The following UNC5D variants were observed in gnomAD, a reference collection of about 807,000 sequenced individuals.
UNC5D encodes the protein netrin receptor UNC5D.
In UNC5D, 39 loss-of-function variants were observed where a neutral mutation model predicts 105.4. The observed-to-expected ratio is 0.37, with a 90% CI of 0.29 to 0.48. UNC5D has a LOEUF of 0.48. Ranked by LOEUF, UNC5D falls within the 20% of genes least tolerant of loss-of-function variation. UNC5D has a pLI of 0.98. For synonymous variants in UNC5D, 452 were observed against 450.4 expected (o/e 1.00, Z -0.04); for missense variants, 991 against 1,202.4 (o/e 0.82, Z 2.60).
At chr8:35,248,762 TA>T (rs1803409257) in intron 1 of UNC5D, among the ~76,000 whole-genome samples, 1 of 97,682 alleles carries the variant, frequency 1.0e-5, no homozygotes, top group Non-Finnish European at 1.8e-5. Context: ...TAAATATATA[TA>T]ATATATTATA....
intron 1 of UNC5D, among the ~76,000 whole-genome samples, chr8:35,247,052 G>C (rs939490942): frequency 6.6e-6 from 1 of 151,912 alleles, no homozygotes; most frequent in African/African-American, 2.4e-5. Context: ...GGTCATTTCC[G>C]TCCGTCCCTG....
intron 1 of UNC5D, among the ~76,000 whole-genome samples, chr8:35,416,946 T>C (rs1463935144): frequency 6.6e-6 from 1 of 152,212 alleles, no homozygotes; most frequent in East Asian, 1.9e-4. Context: ...TATTTTTATT[T>C]TTAATTGTTG....
chr8:35,486,713 G>T (rs962210276), intron 1 of UNC5D, among the ~76,000 whole-genome samples: 6 of 152,166 alleles, frequency 3.9e-5, no homozygotes, highest in African/African-American at 9.7e-5. Context: ...GTGAGTACAT[G>T]CTTCCCATGG....
chr8:35,605,341 G>A (rs974490869), intron 4 of UNC5D, among the ~76,000 whole-genome samples: 4 of 152,182 alleles, frequency 2.6e-5, no homozygotes, highest in Admixed American at 6.6e-5. Context: ...TATCAGCAGC[G>A]GTGGCTGCAG....
At chr8:35,725,802 A>AT (rs1828826954) in intron 9 of UNC5D, among the ~76,000 whole-genome samples, 1 of 151,794 alleles carries the variant, frequency 6.6e-6, no homozygotes, top group Admixed American at 6.6e-5. Context: ...TTTTTTTGTT[A>AT]TTTTAGCTTC....
At chr8:35,470,707 T>G (rs2129816358) in intron 1 of UNC5D, among the ~76,000 whole-genome samples, 1 of 151,024 alleles carries the variant, frequency 6.6e-6, no homozygotes, top group South Asian at 2.1e-4. Flanking sequence ...AGATTGAGGC[T>G]GCAGTGAGCT....
chr8:35,677,387 C>A (rs180847151), intron 4 of UNC5D, among the ~76,000 whole-genome samples: 1 of 152,110 alleles, frequency 6.6e-6, no homozygotes, highest in Admixed American at 6.6e-5. Flanking sequence ...GTGGGGGTCT[C>A]GTACCCAGCA....
intron 1 of UNC5D, among the ~76,000 whole-genome samples, chr8:35,433,512 A>G (rs1456300161): frequency 6.6e-6 from 1 of 152,198 alleles, no homozygotes; most frequent in African/African-American, 2.4e-5. Flanking sequence ...AAAAAAAATA[A>G]TAAAAATTTA....
intron 11 of UNC5D, among the ~76,000 whole-genome samples, chr8:35,732,290 A>G (rs1452129320): frequency 1.3e-5 from 2 of 152,180 alleles, no homozygotes; most frequent in Non-Finnish European, 2.9e-5. Context: ...GGCATGGAAG[A>G]AAAGGTTCTG....
At chr8:35,493,187 G>A (rs981845156) in intron 1 of UNC5D, among the ~76,000 whole-genome samples, 14 of 148,220 alleles carry the variant, frequency 9.4e-5, no homozygotes, top group Admixed American at 5.5e-4. Flanking sequence ...ACTTTGGGGC[G>A]GCATTCTCTG....
chr8:35,353,354 G>A (rs989427111), intron 1 of UNC5D, among the ~76,000 whole-genome samples: 3 of 152,120 alleles, frequency 2.0e-5, no homozygotes, highest in African/African-American at 7.2e-5. Flanking sequence ...ACTCTGAAAT[G>A]CCAATTTGTC....
At chr8:35,462,449 A>G (rs963227763) in intron 1 of UNC5D, among the ~76,000 whole-genome samples, 2 of 152,242 alleles carry the variant, frequency 1.3e-5, no homozygotes, top group African/African-American at 4.8e-5. Flanking sequence ...CACTGCTACC[A>G]ACTTGAAATT....
At chr8:35,594,160 T>C (rs1339462562) in intron 3 of UNC5D, among the ~76,000 whole-genome samples, 1 of 152,140 alleles carries the variant, frequency 6.6e-6, no homozygotes, top group Non-Finnish European at 1.5e-5. Flanking sequence ...GTTCAAGTTG[T>C]TTTAAGATCT....
chr8:35,415,304 T>C (rs1224390515), intron 1 of UNC5D, among the ~76,000 whole-genome samples: 2 of 152,154 alleles, frequency 1.3e-5, no homozygotes, highest in African/African-American at 2.4e-5. Flanking sequence ...GAATGGGTGA[T>C]TCTGATGTGA....
chr8:35,587,457 T>A (rs1248441078), intron 3 of UNC5D, among the ~76,000 whole-genome samples: 2 of 152,194 alleles, frequency 1.3e-5, no homozygotes, highest in Non-Finnish European at 2.9e-5. Context: ...TTCAGATGAG[T>A]TGAAGTGGGA....
At chr8:35,627,354 C>T (rs2131059219) in intron 4 of UNC5D, among the ~76,000 whole-genome samples, 1 of 152,264 alleles carries the variant, frequency 6.6e-6, no homozygotes, top group Non-Finnish European at 1.5e-5. Context: ...ATTCATCATC[C>T]TGCAGTGACA....
At chr8:35,583,468 T>C (rs961925931) in intron 3 of UNC5D, among the ~76,000 whole-genome samples, 2 of 152,156 alleles carry the variant, frequency 1.3e-5, no homozygotes, top group African/African-American at 4.8e-5. Flanking sequence ...GTGCAGTCAG[T>C]GCTTCCAGGC....
intron 3 of UNC5D, among the ~76,000 whole-genome samples, chr8:35,570,004 G>C (rs1018996934): frequency 6.6e-6 from 1 of 152,034 alleles, no homozygotes; most frequent in Non-Finnish European, 1.5e-5. Flanking sequence ...TGTCCTTCTT[G>C]CTCACTTAAT....
intron 1 of UNC5D, among the ~76,000 whole-genome samples, chr8:35,333,690 G>A (rs1464002504): frequency 6.6e-6 from 1 of 152,054 alleles, no homozygotes; most frequent in Non-Finnish European, 1.5e-5. Context: ...ATGTTGGCCA[G>A]GCTGGTCTCG....
Sources: gnomAD v4.1 joint callset for allele counts (sites outside exome capture counted in the v4.1 genomes callset) on GRCh38, gnomAD v4.1.1 for gene constraint, MANE v1.5 for transcripts, NCBI Gene and HGNC (gene_info 2026-07-23, HGNC 2026-07-21) for gene names.